Variants in NALF1 observed in about 807,000 individuals in gnomAD.
NALF1 encodes NALCN channel auxiliary factor 1.
A neutral mutation model predicts 48.4 loss-of-function variants in NALF1; 3 were observed. The ratio of observed to expected loss-of-function variants is 0.06; its 90% CI spans 0.03 to 0.16. The LOEUF is 0.16. NALF1 is among the 10% of genes least tolerant of loss of function. The pLI is 1.00. For missense variants in NALF1, 526 were observed against 571.5 expected (o/e 0.92, Z 0.81); for synonymous variants, 262 against 245.7 (o/e 1.07, Z -0.62).
rs372911922 is a variant in NALF1 at position 107,792,619 on chromosome 13, T to A, written c.915+73063A>T. Among the ~76,000 whole-genome samples the A allele has an allele frequency of 2.0e-5, 3 of 152,188 alleles. No homozygotes were observed. The East Asian group carries it at 5.8e-4, about 29-fold the overall frequency. On this transcript the variant is annotated intron_variant, in intron 1 of 2. Coordinates refer to ENST00000375915, the MANE Select transcript of NALF1 (RefSeq NM_001080396.3). ...AAACTACTATCACCATGACAATCTT[T>A]CTAGACACGAGTTTGACTTAATGAA...
intron 1 of NALF1, among the ~76,000 whole-genome samples, chr13:107,828,053 G>A (rs75386268): frequency 0.012 from 1,810 of 152,252 alleles, 35 homozygotes; most frequent in African/African-American, 0.041. Flanking sequence ...TATACTCACA[G>A]GTGACAGGGA....
intron 1 of NALF1, among the ~76,000 whole-genome samples, chr13:107,328,366 C>T (rs1882406585): frequency 6.6e-6 from 1 of 152,122 alleles, no homozygotes. Flanking sequence ...ACTCATCACA[C>T]TCACATCCTC....
At chr13:107,283,082 T>A (rs984875230) in intron 1 of NALF1, among the ~76,000 whole-genome samples, 1 of 152,190 alleles carries the variant, frequency 6.6e-6, no homozygotes, top group African/African-American at 2.4e-5. Context: ...AAGGAGTTGA[T>A]GAGGAGTCCC....
intron 2 of NALF1, among the ~76,000 whole-genome samples, chr13:107,176,977 A>C (rs572680442): frequency 6.6e-6 from 1 of 152,176 alleles, no homozygotes; most frequent in East Asian, 1.9e-4. Context: ...GGGAAAAACT[A>C]AAAACTCCAC....
At chr13:107,818,835 G>A (rs1039381293) in intron 1 of NALF1, among the ~76,000 whole-genome samples, 28 of 117,566 alleles carry the variant, frequency 2.4e-4, no homozygotes, top group Non-Finnish European at 3.5e-4. Context: ...TCGCGCCACT[G>A]CACTCCAGCC....
At chr13:107,341,104 G>A (rs1397078625) in intron 1 of NALF1, among the ~76,000 whole-genome samples, 1 of 150,272 alleles carries the variant, frequency 6.7e-6, no homozygotes, top group Non-Finnish European at 1.5e-5. Flanking sequence ...GCTGGATAAT[G>A]GCAGTGATTT....
chr13:107,415,692 T>C (rs1476261477), intron 1 of NALF1, among the ~76,000 whole-genome samples: 1 of 152,222 alleles, frequency 6.6e-6, no homozygotes, highest in Non-Finnish European at 1.5e-5. Context: ...CAGAGTTATC[T>C]GTCCTCTAGC....
Position 107,167,255 on chromosome 13 carries a change from A to G in NALF1, c.*3242T>C, listed in dbSNP as rs1429792734. On this transcript the variant is annotated 3_prime_UTR_variant, in exon 3 of 3. Transcript: ENST00000375915. ...AGCCAGTATACGGTAGACATCCTCT[A>G]CAGGAAAAACTAAACAAGATGATGA... 6.6e-6 allele frequency: 1 copy of G among 152,240 alleles called. No individual in the cohort carries two copies. The highest frequency in any genetic ancestry group is 1.5e-5 in the Non-Finnish European group (1 of 68,034). 9.4% of individuals were successfully genotyped at this position (152,240 alleles called of 1,614,324 possible).
At chr13:107,347,064 G>C (rs1188869273) in intron 1 of NALF1, among the ~76,000 whole-genome samples, 3 of 152,012 alleles carry the variant, frequency 2.0e-5, no homozygotes, top group Non-Finnish European at 4.4e-5. Context: ...AAAAATGGTG[G>C]ATTATATTTA....
At chr13:107,503,341 A>C (rs1875581523) in intron 1 of NALF1, among the ~76,000 whole-genome samples, 2 of 152,222 alleles carry the variant, frequency 1.3e-5, no homozygotes, top group South Asian at 4.1e-4. Flanking sequence ...CAACAGGTAT[A>C]TGAAAAGGCA....
chr13:107,310,014 T>C (rs762441482), intron 1 of NALF1, among the ~76,000 whole-genome samples: 10 of 152,218 alleles, frequency 6.6e-5, no homozygotes, highest in African/African-American at 2.4e-4. Context: ...CAATTCCACA[T>C]GGCGCTACCA....
In NALF1 at chr13:107,863,429, T is replaced by C. The variant is rs554477753; in HGVS notation, c.915+2253A>G. 4.6e-5 allele frequency among the ~76,000 whole-genome samples: 7 copies of C among 152,238 alleles called. No homozygotes were observed. The South Asian group carries it at 1.5e-3, about 32-fold the overall frequency. ...AAACCAAGAACACCACACTTCAAAT[T>C]TGCAACTGTAATTTTTGACAACAGC... On this transcript the variant is annotated intron_variant, in intron 1 of 2. Transcript: ENST00000375915.
intron 1 of NALF1, among the ~76,000 whole-genome samples, chr13:107,826,825 A>G (rs1308774909): frequency 6.6e-6 from 1 of 152,188 alleles, no homozygotes; most frequent in Non-Finnish European, 1.5e-5. Context: ...TCTTAGCCTC[A>G]GTTTTCTCAT....
intron 1 of NALF1, among the ~76,000 whole-genome samples, chr13:107,613,896 C>T (rs1479353061): frequency 1.3e-5 from 2 of 152,160 alleles, no homozygotes; most frequent in Non-Finnish European, 2.9e-5. Context: ...GCAGGTGCTA[C>T]GTTCATTCCT....
intron 1 of NALF1, among the ~76,000 whole-genome samples, chr13:107,852,900 AG>A (rs1479218923): frequency 6.6e-6 from 1 of 152,200 alleles, no homozygotes; most frequent in Non-Finnish European, 1.5e-5. Flanking sequence ...GGTAGGAAAC[AG>A]GAACTCTCAA....
chr13:107,783,561 A>C (rs1877984808), intron 1 of NALF1, among the ~76,000 whole-genome samples: 1 of 151,912 alleles, frequency 6.6e-6, no homozygotes, highest in Non-Finnish European at 1.5e-5. Context: ...CTGTGACCTT[A>C]CCCCCCAACC....
At chr13:107,517,551 G>C (rs997662937) in intron 1 of NALF1, among the ~76,000 whole-genome samples, 3 of 152,118 alleles carry the variant, frequency 2.0e-5, no homozygotes, top group Non-Finnish European at 1.5e-5. Context: ...AGAATCGCTT[G>C]AACCTGGGAG....
intron 1 of NALF1, among the ~76,000 whole-genome samples, chr13:107,354,899 G>A (rs1166256169): frequency 6.6e-6 from 1 of 152,158 alleles, no homozygotes; most frequent in African/African-American, 2.4e-5. Flanking sequence ...AGAAGATTCC[G>A]GAGAGTAGAA....
chr13:107,814,902 C>T (rs1472358077), intron 1 of NALF1, among the ~76,000 whole-genome samples: 1 of 152,022 alleles, frequency 6.6e-6, no homozygotes, highest in Non-Finnish European at 1.5e-5. Flanking sequence ...ACATGGAAAT[C>T]TCCAGGATAC....
Sources: gnomAD v4.1 joint callset for allele counts (sites outside exome capture counted in the v4.1 genomes callset) on GRCh38, gnomAD v4.1.1 for gene constraint, MANE v1.5 for transcripts, NCBI Gene and HGNC (gene_info 2026-07-23, HGNC 2026-07-21) for gene names.